ZFC3H1: variants seen among roughly 807,000 people sequenced by gnomAD.
ZFC3H1 encodes zinc finger C3H1 domain-containing protein.
In ZFC3H1, 71 loss-of-function variants were observed where a neutral mutation model predicts 243.7. The ratio of observed to expected loss-of-function variants is 0.29; its 90% CI spans 0.24 to 0.36. ZFC3H1 has a LOEUF of 0.36. Ranked by LOEUF, ZFC3H1 falls within the 10% of genes least tolerant of loss-of-function variation. The pLI is 1.00. For synonymous variants in ZFC3H1, 838 were observed against 813.0 expected (o/e 1.03, Z -0.52); for missense variants, 1,966 against 2,317.1 (o/e 0.85, Z 3.11).
intron 21 of ZFC3H1, 128 bp downstream of exon 21, chr12:71,627,623 C>T: frequency 1.2e-6 from 1 of 868,976 alleles, no homozygotes; most frequent in East Asian, 2.7e-5. Context: ...ATGCTTTTGG[C>T]TTTGTCAAAA....
At chr12:71,656,845 A>G in intron 2 of ZFC3H1, 40 bp downstream of exon 2, 1 of 1,552,916 alleles carries the variant, frequency 6.4e-7, no homozygotes, top group Non-Finnish European at 8.7e-7. Context: ...ACTTTAGAGG[A>G]AGAAGAGTCA....
chr12:71,630,190 C>G (rs1299750447), intron 18 of ZFC3H1, among the ~76,000 whole-genome samples: 1 of 152,148 alleles, frequency 6.6e-6, no homozygotes, highest in South Asian at 2.1e-4. Context: ...TAATTTCCAG[C>G]CTTCCTCTAT....
In ZFC3H1 at chr12:71,632,907, T is replaced by G. The variant is rs1189208211; in HGVS notation, c.2796A>C (p.Lys932Asn). The change falls in exon 14 of 35, where the codon AAA becomes AAC. Residue 932 changes from lysine to asparagine, a missense_variant. By Grantham distance (94) the Lys-to-Asn change is moderately conservative (BLOSUM62 0). Transcript: ENST00000378743. Reference sequence around the variant, plus strand: ...TCACCCCAAAGCGATCTTGTTCCAGTTTACGTTTTCCTATTTCTTTACTGG... The same window carrying G: ...TCACCCCAAAGCGATCTTGTTCCAGGTTACGTTTTCCTATTTCTTTACTGG... ...AVASKEIGKR[K>N]LEQDRFGPNK... The G allele has an allele frequency of 1.2e-6, 2 of 1,612,888 alleles. No homozygotes were observed. The highest frequency in any genetic ancestry group is 1.7e-5 in the Admixed American group (1 of 59,698).
At chr12:71,651,917 T>A (rs1455544459) in intron 2 of ZFC3H1, among the ~76,000 whole-genome samples, 1 of 152,166 alleles carries the variant, frequency 6.6e-6, no homozygotes, top group African/African-American at 2.4e-5. Flanking sequence ...AACAAGACAG[T>A]CGTTACCCTC....
In ZFC3H1 at chr12:71,635,497, A is replaced by G. The variant is rs1345441256; in HGVS notation, c.2184T>C (p.Asn728=). The change falls in exon 10 of 35, where the codon AAT becomes AAC. Residue 728 remains asparagine, a synonymous_variant. Transcript: ENST00000378743. ...ESDGEASKST[N]SVFGGLESMI... ...TGGACTCTAATCCACCAAAAACACT[A>G]TTTGTTGACTTGGAAGCCTCTCCAT... is the stretch of plus-strand genomic sequence containing the variant. The G allele has an allele frequency of 6.3e-7, 1 of 1,576,756 alleles. No individual in the cohort carries two copies.
intron 23 of ZFC3H1, 129 bp from the exon 24 acceptor site, chr12:71,623,726 T>G: frequency 1.5e-6 from 1 of 682,004 alleles, no homozygotes; most frequent in Non-Finnish European, 2.3e-6. Context: ...TTAAGTGTCC[T>G]GATACTTAAA....
rs774032151 is a variant in ZFC3H1 at position 71,657,242 on chromosome 12, A to G, written c.658T>C (p.Cys220Arg). ...KQNYSSKNEN[C>R]VEETFEDLLL... Reference sequence around the variant, plus strand: ...AAATCTTCAAAAGTTTCTTCCACACAGTTTTCATTTTTTGATGAATAATTT... The same window carrying G: ...AAATCTTCAAAAGTTTCTTCCACACGGTTTTCATTTTTTGATGAATAATTT... Residue 220 changes from cysteine to arginine, a missense_variant, in exon 2 of 35, where the codon TGT becomes CGT. Around this residue, in one of 4 missense-constraint regions of ZFC3H1, gnomAD observed 484 missense variants for 449.7 expected, o/e 1.08. Transcript: ENST00000378743. 1 of 1,591,284 alleles carries G rather than the reference A, an allele frequency of 6.3e-7. No homozygotes were observed. The highest frequency in any genetic ancestry group is 1.2e-5 in the South Asian group (1 of 86,300).
Position 71,626,209 on chromosome 12 carries a change from T to C in ZFC3H1, c.4317+51A>G, listed in dbSNP as rs199638298. The C allele has an allele frequency of 4.1e-5, 45 of 1,089,552 alleles. 1 individual carries two copies. The highest frequency in any genetic ancestry group is 2.4e-4 in the South Asian group (13 of 54,640). 67.5% of individuals were successfully genotyped at this position (1,089,552 alleles called of 1,614,324 possible). On this transcript the variant is annotated intron_variant, in intron 22 of 34. Transcript: ENST00000378743. ...ATTTTTAAGATGATCCAAATAATTA[T>C]ACACACACACACACACACACACACA...
Position 71,644,900 on chromosome 12 carries a change from G to A in ZFC3H1, c.1256C>T (p.Ser419Leu), listed in dbSNP as rs748089232. 21 of 1,610,618 alleles carry A rather than the reference G, an allele frequency of 1.3e-5. No individual in the cohort carries two copies. Among genetic ancestry groups the A allele is most frequent in the East Asian group, 1.1e-4 (5 of 44,872 alleles). ...ACCTGTAGTGCTAACTTTTTTGGCCGAATGTGTTTTTGTACTTGTTTTAAC... is the reference window on the plus strand; with the variant it reads ...ACCTGTAGTGCTAACTTTTTTGGCCAAATGTGTTTTTGTACTTGTTTTAAC... ...QKVKTSTKTH[S>L]AKKVSTTAKQ... The change falls in exon 4 of 35, where the codon TCG becomes TTG. Residue 419 changes from serine (S) to leucine (L), a missense_variant. By Grantham distance (145) the Ser-to-Leu change is moderately radical (BLOSUM62 -2). Coordinates refer to ENST00000378743, the MANE Select transcript of ZFC3H1 (RefSeq NM_144982.5).
chr12:71,662,805 C>G (rs1565834581), intron 1 of ZFC3H1, among the ~76,000 whole-genome samples: 2 of 152,112 alleles, frequency 1.3e-5, no homozygotes, highest in Non-Finnish European at 2.9e-5. Flanking sequence ...CAATCCACAG[C>G]ACGTTAATAT....
At chr12:71,619,189 G>A (rs1879964255) in intron 27 of ZFC3H1, 126 bp downstream of exon 27, 2 of 714,154 alleles carry the variant, frequency 2.8e-6, no homozygotes, top group Admixed American at 6.3e-5. Context: ...CAAGTATTCT[G>A]TTAAGTGGGT....
intron 28 of ZFC3H1, 79 bp downstream of exon 28, chr12:71,615,127 T>C (rs1018766657): frequency 1.5e-5 from 19 of 1,277,380 alleles, no homozygotes; most frequent in Non-Finnish European, 2.1e-5. Context: ...AAGTTAATTA[T>C]AACAAACACA....
intron 19 of ZFC3H1, 53 bp downstream of exon 19, chr12:71,629,556 T>TACATAC: frequency 1.4e-6 from 1 of 690,554 alleles, no homozygotes; most frequent in Non-Finnish European, 2.5e-6. Context: ...AGAGATACAG[T>TACATAC]ACACACACAC....
In ZFC3H1 at chr12:71,632,974, G is replaced by A; in HGVS notation, c.2729C>T (p.Thr910Ile). Residue 910 changes from threonine (T) to isoleucine (I), a missense_variant, in exon 14 of 35, where the codon ACT (threonine) becomes ATT (isoleucine). Physicochemically the swap from Thr to Ile is moderately conservative, Grantham distance 89. Transcript: ENST00000378743. ...QQRVTIKKALTLKYGEELARA... is the reference protein window; with the variant it reads ...QQRVTIKKALILKYGEELARA... ...AGCAAGCTCTTCTCCATATTTTAGA[G>A]TCAAAGCTTTCTTAATTGTAACACG... is the stretch of plus-strand genomic sequence containing the variant. The A allele has an allele frequency of 1.2e-6, 2 of 1,612,854 alleles. No individual in the cohort carries two copies. Among genetic ancestry groups the A allele is most frequent in the Non-Finnish European group, 1.7e-6 (2 of 1,179,602 alleles).
intron 1 of ZFC3H1, among the ~76,000 whole-genome samples, chr12:71,659,813 C>A (rs1158342823): frequency 3.3e-5 from 5 of 152,136 alleles, no homozygotes; most frequent in Non-Finnish European, 7.4e-5. Flanking sequence ...AAAAGAAGTG[C>A]TATTCAACCT....
chr12:71,633,562 G>T, intron 12 of ZFC3H1, 124 bp from the exon 13 acceptor site: 1 of 671,644 alleles, frequency 1.5e-6, no homozygotes, highest in Non-Finnish European at 2.4e-6. Context: ...AGATAAAAAT[G>T]TAAAGGGATG....
intron 2 of ZFC3H1, among the ~76,000 whole-genome samples, chr12:71,649,440 C>T (rs1029294122): frequency 1.3e-5 from 2 of 152,174 alleles, no homozygotes; most frequent in Non-Finnish European, 2.9e-5. Context: ...GACATGTTTA[C>T]TTTAATATTT....
chr12:71,663,218 C>A lies in ZFC3H1; in HGVS notation c.393G>T (p.Pro131=). Residue 131 remains proline, a synonymous_variant, in exon 1 of 35, where the codon CCG becomes CCT. Coordinates refer to ENST00000378743, the MANE Select transcript of ZFC3H1 (RefSeq NM_144982.5). ...SSSLSESSPR[P]SFWERSHLAL... The stretch of plus-strand genomic sequence containing the variant: ...CGAGGTGGCTCCGCTCCCAGAAAGA[C>A]GGCCGGGGACTGCTTTCGGACAGTG... The A allele has an allele frequency of 6.2e-7, 1 of 1,614,066 alleles. No homozygotes were observed. Among genetic ancestry groups the A allele is most frequent in the Non-Finnish European group, 8.5e-7 (1 of 1,180,048 alleles).
intron 10 of ZFC3H1, 93 bp downstream of exon 10, chr12:71,635,350 T>C: frequency 1.4e-6 from 2 of 1,451,550 alleles, no homozygotes; most frequent in Non-Finnish European, 9.2e-7. Context: ...TTATTAAAAA[T>C]CTATAACTTT....
Sources: allele counts gnomAD v4.1 joint callset (sites outside exome capture counted in the v4.1 genomes callset), GRCh38; gene constraint gnomAD v4.1.1; regional missense constraint gnomAD v4.1.1; transcripts MANE v1.5; gene names NCBI Gene and HGNC (gene_info 2026-07-23, HGNC 2026-07-21).